Variants in SUCO observed in about 807,000 individuals in gnomAD.
The protein encoded by SUCO is SUN domain-containing ossification factor.
Under a neutral mutation model 148.1 loss-of-function variants are expected in SUCO, and 57 were observed. The observed-to-expected ratio is 0.38, with a 90% CI of 0.31 to 0.48. SUCO has a LOEUF of 0.48. SUCO is among the 20% of genes least tolerant of loss of function. SUCO has a pLI of 0.96. For missense variants in SUCO, 1,331 were observed against 1,468.2 expected (o/e 0.91, Z 1.53); for synonymous variants, 470 against 502.7 (o/e 0.93, Z 0.87).
intron 2 of SUCO, 87 bp from the exon 3 acceptor site, chr1:172,553,173 G>T: frequency 1.5e-6 from 2 of 1,366,680 alleles, no homozygotes; most frequent in South Asian, 4.0e-5. Context: ...TGGTTTTAAA[G>T]TATGGAAAAA....
Position 172,555,852 on chromosome 1 carries a change from CT to C in SUCO, c.289-15del. The stretch of plus-strand genomic sequence containing the variant: ...TAATCTCAACATTTAATTTAGCTGA[CT>C]TGTTTTTTTAAACAGAATACAGAGT... On this transcript the variant is annotated splice_polypyrimidine_tract_variant and intron_variant, in intron 3 of 23. Transcript: ENST00000263688. 1 of 1,570,716 alleles carries C rather than the reference CT, an allele frequency of 6.4e-7. No individual in the cohort carries two copies. Among genetic ancestry groups the C allele is most frequent in the Non-Finnish European group, 8.6e-7 (1 of 1,156,794 alleles).
intron 6 of SUCO, among the ~76,000 whole-genome samples, chr1:172,560,715 A>G (rs1479000494): frequency 6.6e-6 from 1 of 152,240 alleles, no homozygotes; most frequent in Admixed American, 6.5e-5. Flanking sequence ...CCTCAGTTCC[A>G]AGTTTTGATA....
chr1:172,542,332 A>C (rs1652529337), intron 1 of SUCO, among the ~76,000 whole-genome samples: 1 of 152,130 alleles, frequency 6.6e-6, no homozygotes, highest in Non-Finnish European at 1.5e-5. Context: ...CGGTGAACCA[A>C]GATCGTGCCA....
chr1:172,592,819 C>A (rs1656768770), intron 19 of SUCO, among the ~76,000 whole-genome samples: 1 of 152,162 alleles, frequency 6.6e-6, no homozygotes, highest in Non-Finnish European at 1.5e-5. Flanking sequence ...TAAAGAAAGT[C>A]ATTGGTGGCT....
At chr1:172,583,617 T>A (rs1211354300) in intron 15 of SUCO, among the ~76,000 whole-genome samples, 2 of 152,172 alleles carry the variant, frequency 1.3e-5, no homozygotes, top group African/African-American at 4.8e-5. Flanking sequence ...CATCTCTGGT[T>A]TTCATTGAAA....
chr1:172,604,572 C>T (rs939021723), intron 22 of SUCO, among the ~76,000 whole-genome samples: 2 of 151,832 alleles, frequency 1.3e-5, no homozygotes, highest in African/African-American at 4.8e-5. Flanking sequence ...TTTAAGTGCA[C>T]AGTTCATTAG....
intron 22 of SUCO, among the ~76,000 whole-genome samples, chr1:172,607,035 C>G (rs1457012603): frequency 6.6e-6 from 1 of 151,772 alleles, no homozygotes; most frequent in East Asian, 1.9e-4. Flanking sequence ...AAATCCAGGT[C>G]TGTATTTTCC....
At chr1:172,542,658 C>T (rs1652564578) in intron 1 of SUCO, 1 of 855,942 alleles carries the variant, frequency 1.2e-6, no homozygotes, top group Admixed American at 6.2e-5. Context: ...CCCCCCACCC[C>T]ATCCATGGCA....
At position 172,609,585 on chromosome 1, in the gene SUCO, T is replaced by C. The variant is rs1571306255; in HGVS notation, c.3322-231T>C. On this transcript the variant is annotated intron_variant, in intron 23 of 23. Coordinates refer to ENST00000263688, the MANE Select transcript of SUCO (RefSeq NM_014283.5). ...GTATCACTCCCTAAACCTATATTCA[T>C]AGGTAGCAGGTAAGCAATTTAAAGA... The C allele has an allele frequency of 5.1e-6, 5 of 985,094 alleles. No homozygotes were observed. In the South Asian group the frequency reaches 1.4e-4, roughly 28 times the overall value. The allele number at this position is 985,094 out of a possible 1,614,324, so 61.0% of individuals were successfully genotyped here.
rs564498417 is a variant in SUCO, at chr1:172,594,860, G to A, written c.2913+3789G>A. ...TAACTTTCTGTCTTATTGATCTGTC[G>A]AATGTTGACAGTGGGGTGTTAAAGT... On this transcript the variant is annotated intron_variant, in intron 19 of 23. Transcript: ENST00000263688. Among the ~76,000 whole-genome samples, 396 of 152,220 alleles carry A rather than the reference G, an allele frequency of 2.6e-3. 1 individual carries two copies. Among genetic ancestry groups the A allele is most frequent in the African/African-American group, 9.0e-3 (376 of 41,550 alleles).
At chr1:172,532,775 G>A (rs1651681226), upstream of SUCO, 5 of 1,612,258 alleles carry the variant, frequency 3.1e-6, no homozygotes, top group Non-Finnish European at 4.2e-6. Flanking sequence ...CCCTTGCGCG[G>A]ACTCAGCGCG....
chr1:172,538,723 G>T (rs1199006968), intron 1 of SUCO, among the ~76,000 whole-genome samples: 1 of 151,810 alleles, frequency 6.6e-6, no homozygotes, highest in Non-Finnish European at 1.5e-5. Context: ...TTTTTTAGTG[G>T]AACTTAATGT....
intron 5 of SUCO, 71 bp downstream of exon 5, chr1:172,557,488 T>C (rs1245312938): frequency 6.3e-7 from 1 of 1,579,638 alleles, no homozygotes; most frequent in Non-Finnish European, 8.6e-7. Context: ...GAATGGACTT[T>C]GGTGTATGTT....
chr1:172,580,584 G>A (rs190600331), intron 15 of SUCO, among the ~76,000 whole-genome samples: 30 of 152,228 alleles, frequency 2.0e-4, no homozygotes, highest in African/African-American at 7.0e-4. Flanking sequence ...TGCCATTTAT[G>A]TAGCTCAGTA....
At chr1:172,558,325 TC>T (rs1653893370) in intron 6 of SUCO, among the ~76,000 whole-genome samples, 1 of 152,208 alleles carries the variant, frequency 6.6e-6, no homozygotes, top group Non-Finnish European at 1.5e-5. Context: ...CTTTCTTTTC[TC>T]CTTCTGAGTT....
intron 22 of SUCO, 142 bp downstream of exon 22, chr1:172,602,929 A>G (rs1657627218): frequency 1.5e-6 from 1 of 674,830 alleles, no homozygotes; most frequent in Non-Finnish European, 2.5e-6. Flanking sequence ...GTGTCAAGCC[A>G]CTTTATCATT....
At chr1:172,564,085 G>A (rs113499394) in intron 6 of SUCO, among the ~76,000 whole-genome samples, 1 of 152,384 alleles carries the variant, frequency 6.6e-6, no homozygotes, top group South Asian at 2.1e-4. Context: ...GGGAACTTCT[G>A]CCTAGATTTC....
At chr1:172,577,151 T>TGA in intron 11 of SUCO, 1 of 285,962 alleles carries the variant, frequency 3.5e-6, no homozygotes, top group Non-Finnish European at 5.2e-6. Context: ...ATATATAAAT[T>TGA]CATATATGGA....
At chr1:172,553,780 A>G (rs1455710967) in intron 3 of SUCO, among the ~76,000 whole-genome samples, 5 of 152,200 alleles carry the variant, frequency 3.3e-5, no homozygotes, top group African/African-American at 1.2e-4. Context: ...GTATGAATAG[A>G]TAATAGATCA....
Sources: gnomAD v4.1 joint callset for allele counts (sites outside exome capture counted in the v4.1 genomes callset) on GRCh38, gnomAD v4.1.1 for gene constraint, MANE v1.5 for transcripts, NCBI Gene and HGNC (gene_info 2026-07-23, HGNC 2026-07-21) for gene names.